Variants in SPECC1 observed in about 807,000 individuals in gnomAD.
SPECC1 encodes sperm antigen with calponin homology and coiled-coil domains 1.
In SPECC1, 62 loss-of-function variants were observed where a neutral mutation model predicts 104.1. The ratio of observed to expected loss-of-function variants is 0.60; its 90% CI spans 0.49 to 0.74. The LOEUF is 0.74. SPECC1 is among the 30% of genes least tolerant of loss of function. The pLI, the probability that SPECC1 is intolerant of heterozygous loss-of-function variation, is 0.00. For missense variants in SPECC1, 1,306 were observed against 1,310.5 expected (o/e 1.00, Z 0.05); for synonymous variants, 513 against 501.6 (o/e 1.02, Z -0.30).
chr17:20,132,421 ACTTTT>A, intron 3 of SPECC1, among the ~76,000 whole-genome samples: 1 of 152,256 alleles, frequency 6.6e-6, no homozygotes, highest in Middle Eastern at 3.4e-3. Flanking sequence ...AGTATTCCTA[ACTTTT>A]CTTTTTTTCT....
At chr17:20,010,795 A>G (rs2043917270) in intron 1 of SPECC1, among the ~76,000 whole-genome samples, 2 of 152,194 alleles carry the variant, frequency 1.3e-5, no homozygotes, top group South Asian at 4.1e-4. Context: ...TTTAGGGAGC[A>G]TTCCCTCTGT....
At chr17:20,101,995 T>A (rs1431987536) in intron 2 of SPECC1, among the ~76,000 whole-genome samples, 1 of 152,262 alleles carries the variant, frequency 6.6e-6, no homozygotes. Context: ...TACTTTCTTA[T>A]ACAGGTGGTT....
intron 1 of SPECC1, among the ~76,000 whole-genome samples, chr17:20,048,649 G>A (rs888996952): frequency 5.3e-5 from 8 of 151,600 alleles, no homozygotes; most frequent in Admixed American, 2.6e-4. Flanking sequence ...GCTCACGCCT[G>A]TAATCCCAGC....
chr17:20,289,658 T>C (rs2151704425), intron 12 of SPECC1, among the ~76,000 whole-genome samples: 1 of 152,330 alleles, frequency 6.6e-6, no homozygotes, highest in East Asian at 1.9e-4. Context: ...GTTCAGCCGT[T>C]GTGGATGACA....
At chr17:20,298,919 A>AGAGAGAGAGAGAGAGAGAGAGAG (rs2041445038) in intron 13 of SPECC1, among the ~76,000 whole-genome samples, 1 of 66,838 alleles carries the variant, frequency 1.5e-5, no homozygotes, top group East Asian at 1.9e-3. Context: ...AAGCAGAACC[A>AGAGAGAGAGAGAGAGAGAGAGAG]AAAGAGAGAG....
In SPECC1 at chr17:20,272,907, T is replaced by A. The variant is rs894780164; in HGVS notation, c.2940+12613T>A. 3.2e-4 allele frequency among the ~76,000 whole-genome samples: 48 copies of A among 152,228 alleles called. 1 individual carries two copies. The highest frequency in any genetic ancestry group is 7.3e-5 in the Non-Finnish European group (5 of 68,034). The stretch of plus-strand genomic sequence containing the variant: ...CACCAAATCTCTCTATGCAGATTGT[T>A]TCCTACAGTCCCTTTATTCCATTGG... On this transcript the variant is annotated intron_variant, in intron 12 of 14. Transcript: ENST00000395527.
intron 3 of SPECC1, among the ~76,000 whole-genome samples, chr17:20,146,819 T>C (rs537923972): frequency 1.3e-5 from 2 of 152,098 alleles, no homozygotes; most frequent in African/African-American, 4.8e-5. Flanking sequence ...GGCAGGAGAA[T>C]TGCTTGAACC....
At chr17:20,253,428 GCACA>G in intron 9 of SPECC1, 73 bp from the exon 10 acceptor site, 2 of 1,372,464 alleles carry the variant, frequency 1.5e-6, no homozygotes, top group Non-Finnish European at 2.1e-6. Context: ...ACACACGCAT[GCACA>G]CACACACATC....
At chr17:20,138,751 GTTTA>G (rs1340872769) in intron 3 of SPECC1, among the ~76,000 whole-genome samples, 1 of 152,106 alleles carries the variant, frequency 6.6e-6, no homozygotes, top group Non-Finnish European at 1.5e-5. Context: ...ATGTACAACA[GTTTA>G]TTTATCCATT....
At chr17:20,310,155 T>A (rs1266911201) in intron 14 of SPECC1, among the ~76,000 whole-genome samples, 1 of 152,156 alleles carries the variant, frequency 6.6e-6, no homozygotes. Flanking sequence ...GACACCTAGG[T>A]TGATTTCATG....
intron 13 of SPECC1, among the ~76,000 whole-genome samples, chr17:20,299,879 AAC>A (rs1230331946): frequency 1.3e-5 from 2 of 152,104 alleles, no homozygotes; most frequent in Non-Finnish European, 2.9e-5. Flanking sequence ...CAGAGCTTGA[AAC>A]ACAGATCTGG....
chr17:20,202,764 CAG>C (rs1225338713), intron 3 of SPECC1, among the ~76,000 whole-genome samples: 1 of 152,160 alleles, frequency 6.6e-6, no homozygotes, highest in Non-Finnish European at 1.5e-5. Flanking sequence ...AAGTTATACA[CAG>C]AGTTTTGACT....
chr17:20,032,033 G>A (rs1000526530), intron 1 of SPECC1, among the ~76,000 whole-genome samples: 8 of 152,250 alleles, frequency 5.3e-5, no homozygotes, highest in East Asian at 3.9e-4. Context: ...CAGCTTTGTC[G>A]TATATAGGAA....
chr17:20,096,801 A>G lies in SPECC1; in HGVS notation c.147+3A>G, dbSNP rs775064813. ...CTTTTGAGTCCCGACTCAGCAGGGT[A>G]TGGATCAAAATGCACAGGGCCAGGC... On this transcript the variant is annotated splice_donor_region_variant and intron_variant, in intron 2 of 14. Coordinates refer to ENST00000395527, the MANE Select transcript of SPECC1 (RefSeq NM_001243439.2). 6.2e-7 allele frequency: 1 copy of G among 1,611,304 alleles called. No individual in the cohort carries two copies.
chr17:20,267,026 C>T (rs890905681), intron 12 of SPECC1, among the ~76,000 whole-genome samples: 12 of 152,166 alleles, frequency 7.9e-5, no homozygotes, highest in Non-Finnish European at 7.4e-5. Context: ...TGCCGAGCTC[C>T]GGGCCAACTG....
At chr17:20,133,194 C>A (rs2049746828) in intron 3 of SPECC1, among the ~76,000 whole-genome samples, 1 of 151,780 alleles carries the variant, frequency 6.6e-6, no homozygotes, top group South Asian at 2.1e-4. Flanking sequence ...TTTTTCAGAA[C>A]CAGCTATTTG....
chr17:20,075,113 G>A (rs2046707073), intron 1 of SPECC1, among the ~76,000 whole-genome samples: 1 of 152,160 alleles, frequency 6.6e-6, no homozygotes, highest in South Asian at 2.1e-4. Flanking sequence ...ATGTTGTCCA[G>A]GCTGGCCTCA....
chr17:20,035,165 T>C (rs1322078560), intron 1 of SPECC1, among the ~76,000 whole-genome samples: 3 of 152,224 alleles, frequency 2.0e-5, no homozygotes, highest in Non-Finnish European at 4.4e-5. Flanking sequence ...CCTCTGTCAA[T>C]ATCACAGTCT....
At chr17:20,143,741 G>A (rs946200744) in intron 3 of SPECC1, among the ~76,000 whole-genome samples, 13 of 152,130 alleles carry the variant, frequency 8.5e-5, no homozygotes, top group African/African-American at 2.2e-4. Context: ...TGGTACCTTC[G>A]TAACGACAAA....
Sources: gnomAD v4.1 joint callset for allele counts (sites outside exome capture counted in the v4.1 genomes callset) on GRCh38, gnomAD v4.1.1 for gene constraint, MANE v1.5 for transcripts, NCBI Gene and HGNC (gene_info 2026-07-23, HGNC 2026-07-21) for gene names.